The following KIAA1217 variants were observed in gnomAD, a reference collection of about 807,000 sequenced individuals.
KIAA1217 encodes sickle tail protein homolog.
A neutral mutation model predicts 163.9 loss-of-function variants in KIAA1217; 88 were observed. The ratio of observed to expected loss-of-function variants is 0.54; its 90% CI spans 0.45 to 0.64. KIAA1217 has a LOEUF of 0.64. Ranked by LOEUF, KIAA1217 falls within the 30% of genes least tolerant of loss-of-function variation. The pLI, the probability that KIAA1217 is intolerant of heterozygous loss-of-function variation, is 0.00. For missense variants in KIAA1217, 2,372 were observed against 2,475.0 expected (o/e 0.96, Z 0.88); for synonymous variants, 903 against 923.1 (o/e 0.98, Z 0.39).
intron 2 of KIAA1217, among the ~76,000 whole-genome samples, chr10:24,163,529 A>G (rs1047024713): frequency 6.6e-6 from 1 of 152,216 alleles, no homozygotes; most frequent in Admixed American, 6.5e-5. Context: ...TAATAAACCA[A>G]CTGGAGAAAT....
chr10:24,296,106 T>G (rs1489055954), intron 2 of KIAA1217, among the ~76,000 whole-genome samples: 2 of 152,112 alleles, frequency 1.3e-5, no homozygotes, highest in East Asian at 3.9e-4. Flanking sequence ...CACATTTTTT[T>G]TCTTTTTTCT....
chr10:23,762,908 C>T (rs1453625142), intron 1 of KIAA1217, among the ~76,000 whole-genome samples: 1 of 152,172 alleles, frequency 6.6e-6, no homozygotes, highest in East Asian at 1.9e-4. Context: ...TGATAAGGAA[C>T]TTCAACAATG....
At chr10:24,216,394 A>T (rs913660224) in intron 1 of KIAA1217, among the ~76,000 whole-genome samples, 1 of 152,160 alleles carries the variant, frequency 6.6e-6, no homozygotes, top group Non-Finnish European at 1.5e-5. Context: ...GTATGTGTGT[A>T]TGTAGACAGA....
At position 23,798,116 on chromosome 10, in the gene KIAA1217, T is replaced by A. The variant is rs543720253; in HGVS notation, c.-321+102882T>A. On this transcript the variant is annotated intron_variant, in intron 1 of 18. Transcript: ENST00000376462. ...GGAGTGTGATGTGCAAGAGAGTCAA[T>A]CAGGTTGTAGAGGGAAAATATTAGG... is the stretch of plus-strand genomic sequence containing the variant. Among the ~76,000 whole-genome samples, 15 of 152,224 alleles carry A rather than the reference T, an allele frequency of 9.9e-5. No individual in the cohort carries two copies. In the South Asian group the frequency reaches 3.1e-3, roughly 32 times the overall value.
chr10:24,266,810 C>T (rs1382028233), intron 2 of KIAA1217, among the ~76,000 whole-genome samples: 2 of 152,214 alleles, frequency 1.3e-5, no homozygotes, highest in Non-Finnish European at 2.9e-5. Flanking sequence ...GCCACCCCAG[C>T]CAGTAGTGGC....
upstream of KIAA1217, among the ~76,000 whole-genome samples, chr10:24,205,496 G>A (rs539670862): frequency 3.3e-5 from 5 of 151,316 alleles, no homozygotes; most frequent in East Asian, 3.9e-4. Context: ...AAAAAATGCC[G>A]GGCGCGGTGG....
At chr10:23,811,453 A>T (rs1375212649) in intron 1 of KIAA1217, among the ~76,000 whole-genome samples, 2 of 151,658 alleles carry the variant, frequency 1.3e-5, no homozygotes, top group African/African-American at 4.8e-5. Flanking sequence ...CTAAATAGAA[A>T]CTAAAATTAC....
intron 2 of KIAA1217, among the ~76,000 whole-genome samples, chr10:24,159,299 A>C (rs1773854992): frequency 1.3e-5 from 2 of 152,204 alleles, no homozygotes; most frequent in Admixed American, 6.5e-5. Flanking sequence ...TTCTTTTAAA[A>C]AAACCTACTA....
intron 1 of KIAA1217, among the ~76,000 whole-genome samples, chr10:23,824,658 A>ATATATAT (rs1379535101): frequency 3.6e-3 from 189 of 53,042 alleles, no homozygotes; most frequent in Non-Finnish European, 5.3e-3. Flanking sequence ...AAATAAAAAA[A>ATATATAT]ATATATATAT....
At chr10:24,542,540 A>C (rs1287748138) in intron 17 of KIAA1217, 153 bp from the exon 18 acceptor site, 3 of 1,464,950 alleles carry the variant, frequency 2.0e-6, no homozygotes, top group Non-Finnish European at 2.7e-6. Context: ...AAAGCAATCC[A>C]AGGTAAACAG....
At chr10:24,154,044 G>A (rs1299874568) in intron 2 of KIAA1217, among the ~76,000 whole-genome samples, 2 of 148,268 alleles carry the variant, frequency 1.3e-5, no homozygotes, top group Admixed American at 6.8e-5. Context: ...TGCAAGCTCC[G>A]CCTCCCGGGT....
At chr10:24,368,818 C>G (rs2051153459) in intron 2 of KIAA1217, 5 of 982,144 alleles carry the variant, frequency 5.1e-6, no homozygotes, top group Non-Finnish European at 6.0e-6. Context: ...TAGAATCACC[C>G]TACTGAGAGT....
At chr10:24,206,639 G>A (rs1589902792), upstream of KIAA1217, among the ~76,000 whole-genome samples, 1 of 152,192 alleles carries the variant, frequency 6.6e-6, no homozygotes, top group South Asian at 2.1e-4. Context: ...TTTCCCTATA[G>A]AATGGTCAGA....
At chr10:24,439,119 A>G (rs1449206940) in intron 5 of KIAA1217, among the ~76,000 whole-genome samples, 2 of 152,230 alleles carry the variant, frequency 1.3e-5, no homozygotes, top group African/African-American at 4.8e-5. Flanking sequence ...GGATGTTTTG[A>G]AGAAAAAAGA....
At chr10:24,432,062 AT>A in intron 3 of KIAA1217, among the ~76,000 whole-genome samples, 1 of 152,104 alleles carries the variant, frequency 6.6e-6, no homozygotes, top group East Asian at 1.9e-4. Context: ...ATGAAAAAAA[AT>A]CACTCTATGA....
intron 2 of KIAA1217, among the ~76,000 whole-genome samples, chr10:24,249,118 T>G (rs762903395): frequency 2.0e-5 from 3 of 152,228 alleles, no homozygotes; most frequent in Non-Finnish European, 2.9e-5. Context: ...AATTAGACTT[T>G]TCTTCCTTTC....
chr10:23,971,376 A>T (rs1214942288), intron 1 of KIAA1217, among the ~76,000 whole-genome samples: 1 of 152,186 alleles, frequency 6.6e-6, no homozygotes, highest in Non-Finnish European at 1.5e-5. Flanking sequence ...CTATTGGGAG[A>T]CAACCTTTCC....
rs985512983 is a variant in KIAA1217 at position 24,494,808 on chromosome 10, G to A, written c.1784+204G>A. On this transcript the variant is annotated intron_variant, in intron 7 of 20. Coordinates refer to ENST00000376454, the MANE Select transcript of KIAA1217 (RefSeq NM_019590.5). ...TTCCTCCTTCTGGTAATTCTTGGTCGAAAGTAACACTTTGGCCCAAGAAGG... is the reference window on the plus strand; with the variant it reads ...TTCCTCCTTCTGGTAATTCTTGGTCAAAAGTAACACTTTGGCCCAAGAAGG... Among the ~76,000 whole-genome samples the A allele has an allele frequency of 5.3e-5, 8 of 151,954 alleles. No individual in the cohort carries two copies. The South Asian group carries it at 8.3e-4, about 16-fold the overall frequency.
intron 2 of KIAA1217, among the ~76,000 whole-genome samples, chr10:24,283,085 G>A (rs910515350): frequency 3.3e-5 from 5 of 151,522 alleles, no homozygotes; most frequent in Non-Finnish European, 5.9e-5. Context: ...CACCCACCTC[G>A]TCCTCCCAAA....
Sources: gnomAD v4.1 joint callset for allele counts (sites outside exome capture counted in the v4.1 genomes callset) on GRCh38, gnomAD v4.1.1 for gene constraint, MANE v1.5 for transcripts, NCBI Gene and HGNC (gene_info 2026-07-23, HGNC 2026-07-21) for gene names.